EIF2S1: variants seen among roughly 807,000 people sequenced by gnomAD.
The protein encoded by EIF2S1 is eukaryotic translation initiation factor 2 subunit alpha, also known as eukaryotic translation initiation factor 2 subunit 1.
EIF2S1 carries 5 observed loss-of-function variants against 33.5 expected under a neutral mutation model. That is an observed-to-expected ratio of 0.15 (90% CI 0.08 to 0.31). EIF2S1 has a LOEUF of 0.31. EIF2S1 is among the 10% of genes least tolerant of loss of function. EIF2S1 has a pLI of 1.00. For synonymous variants in EIF2S1, 99 were observed against 127.5 expected (o/e 0.78, Z 1.51); for missense variants, 191 against 384.6 (o/e 0.50, Z 4.21).
rs527884008 is a variant in EIF2S1, at chr14:67,384,309, C to G, written c.*869C>G. 7.3e-5 allele frequency: 11 copies of G among 150,818 alleles called. No individual in the cohort carries two copies. The highest frequency in any genetic ancestry group is 2.7e-4 in the African/African-American group (11 of 41,162). 9.3% of individuals were successfully genotyped at this position (150,818 alleles called of 1,614,324 possible). A position where few individuals can be genotyped will look rare whatever the true frequency, so the allele number is the denominator to read the frequency against. ...TTGCTATTAAAATATCCACTAGATG[C>G]CACCTAGAGCTCCAGTTCTTTATAA... On this transcript the variant is annotated 3_prime_UTR_variant, in exon 8 of 8. Coordinates refer to ENST00000256383, the MANE Select transcript of EIF2S1 (RefSeq NM_004094.5).
intron 4 of EIF2S1, 121 bp downstream of exon 4, chr14:67,376,711 GC>G: frequency 9.6e-7 from 1 of 1,044,768 alleles, no homozygotes; most frequent in Non-Finnish European, 1.4e-6. Flanking sequence ...TTTTGTATTG[GC>G]CAGTAAATGG....
intron 2 of EIF2S1, among the ~76,000 whole-genome samples, chr14:67,366,305 C>G (rs1027475784): frequency 9.2e-5 from 14 of 152,222 alleles, no homozygotes; most frequent in Middle Eastern, 3.4e-3. Flanking sequence ...GAACTGGGCT[C>G]AAGCGATTCT....
chr14:67,374,516 A>G lies in EIF2S1; in HGVS notation c.290A>G (p.Lys97Arg), dbSNP rs1244522571. The stretch of plus-strand genomic sequence containing the variant: ...AGAGTTTCTCCAGAGGAAGCAATCA[A>G]ATGTGAAGACAAATTCACAAAATCC... Reference protein sequence around the residue: ...KRRVSPEEAIKCEDKFTKSKT... With the variant: ...KRRVSPEEAIRCEDKFTKSKT... The change falls in exon 3 of 8, where the codon AAA becomes AGA. Residue 97 changes from lysine (K) to arginine (R), a missense_variant. Coordinates refer to ENST00000256383, the MANE Select transcript of EIF2S1 (RefSeq NM_004094.5). 11 of 1,608,420 alleles carry G rather than the reference A, an allele frequency of 6.8e-6. No homozygotes were observed. Among genetic ancestry groups the G allele is most frequent in the African/African-American group, 1.3e-5 (1 of 74,874 alleles).
rs1595651469 is a variant in EIF2S1, at chr14:67,383,218, G to A, written c.823-97G>A. The A allele has an allele frequency of 2.3e-5, 31 of 1,340,044 alleles. No individual in the cohort carries two copies. In the South Asian group the frequency reaches 4.1e-4, roughly 18 times the overall value. 83.0% of individuals were successfully genotyped at this position (1,340,044 alleles called of 1,614,324 possible). The stretch of plus-strand genomic sequence containing the variant: ...CAGATATGACAGAGTTGTTAGAAAA[G>A]TGTTAAAGAGAGAAAACATTAGGCA... On this transcript the variant is annotated intron_variant, in intron 7 of 7. Transcript: ENST00000256383.
chr14:67,385,198 C>T lies in EIF2S1; in HGVS notation c.*1758C>T, dbSNP rs2085913839. 1 of 152,098 alleles carries T rather than the reference C, an allele frequency of 6.6e-6. No homozygotes were observed. Among genetic ancestry groups the T allele is most frequent in the African/African-American group, 2.4e-5 (1 of 41,400 alleles). 9.4% of individuals were successfully genotyped at this position (152,098 alleles called of 1,614,324 possible). A position where few individuals can be genotyped will look rare whatever the true frequency, so the allele number is the denominator to read the frequency against. ...TAAAAGTATTCATACACCTTGCTAA[C>T]CTAAAAGACAGCAGGGACAAGATAC... On this transcript the variant is annotated 3_prime_UTR_variant, in exon 8 of 8. Coordinates refer to ENST00000256383, the MANE Select transcript of EIF2S1 (RefSeq NM_004094.5).
intron 2 of EIF2S1, among the ~76,000 whole-genome samples, chr14:67,366,382 A>G (rs1403807349): frequency 6.6e-6 from 1 of 152,180 alleles, no homozygotes; most frequent in Non-Finnish European, 1.5e-5. Context: ...TTCTTTTTCT[A>G]TTGTATAAAA....
intron 2 of EIF2S1, among the ~76,000 whole-genome samples, chr14:67,366,705 C>T (rs935787570): frequency 2.6e-5 from 4 of 152,100 alleles, no homozygotes; most frequent in Non-Finnish European, 4.4e-5. Context: ...GAATTATGTC[C>T]TCCTAGACAA....
rs527730377 is a variant in EIF2S1 at position 67,360,907 on chromosome 14, C to T, written c.-2+451C>T. 3.9e-5 allele frequency among the ~76,000 whole-genome samples: 6 copies of T among 152,308 alleles called. No individual in the cohort carries two copies. In the South Asian group the frequency reaches 1.2e-3, roughly 32 times the overall value. On this transcript the variant is annotated intron_variant, in intron 1 of 7. Transcript: ENST00000256383. Reference sequence around the variant, plus strand: ...CCCCTGCGTCTCAGTGGAAACCAAACTGGCCTCTTACCTGAGAAACCTGTG... The same window carrying T: ...CCCCTGCGTCTCAGTGGAAACCAAATTGGCCTCTTACCTGAGAAACCTGTG...
At position 67,385,431 on chromosome 14, in the gene EIF2S1, C is replaced by A. The variant is rs1425964540; in HGVS notation, c.*1991C>A. ...CTCGAGCCTGGGTGACAGGGCAAGA[C>A]CCTGTCTCAAAAAAAAAAAAAAAAA... On this transcript the variant is annotated 3_prime_UTR_variant, in exon 8 of 8. Transcript: ENST00000256383. The A allele has an allele frequency of 7.4e-6, 1 of 135,214 alleles. No individual in the cohort carries two copies. The highest frequency in any genetic ancestry group is 3.3e-5 in the African/African-American group (1 of 30,352). 8.4% of individuals were successfully genotyped at this position (135,214 alleles called of 1,614,324 possible).
At position 67,383,866 on chromosome 14, in the gene EIF2S1, G is replaced by T; in HGVS notation, c.*426G>T. The T allele has an allele frequency of 8.8e-6, 2 of 227,384 alleles. No homozygotes were observed. The highest frequency in any genetic ancestry group is 2.3e-5 in the African/African-American group (1 of 42,960). 14.1% of individuals were successfully genotyped at this position (227,384 alleles called of 1,614,324 possible). A position where few individuals can be genotyped will look rare whatever the true frequency, so the allele number is the denominator to read the frequency against. On this transcript the variant is annotated 3_prime_UTR_variant, in exon 8 of 8. Coordinates refer to ENST00000256383, the MANE Select transcript of EIF2S1 (RefSeq NM_004094.5). ...TAAATTTCTGGGATATTTAACTATA[G>T]GCTTCTTCCTTCTTGTCACCAGTTA...
At chr14:67,367,721 A>G (rs2085789107) in intron 2 of EIF2S1, among the ~76,000 whole-genome samples, 1 of 151,200 alleles carries the variant, frequency 6.6e-6, no homozygotes, top group Non-Finnish European at 1.5e-5. Context: ...CTGTAGTCCC[A>G]GCTTCTCGGG....
chr14:67,367,345 C>T (rs1471991055), intron 2 of EIF2S1, among the ~76,000 whole-genome samples: 4 of 152,210 alleles, frequency 2.6e-5, no homozygotes, highest in Admixed American at 6.5e-5. Flanking sequence ...ATTCTCCTGT[C>T]TCAGCCTCCA....
At chr14:67,381,567 C>G in intron 5 of EIF2S1, 26 bp from the exon 6 acceptor site, 2 of 1,585,576 alleles carry the variant, frequency 1.3e-6, no homozygotes, top group Non-Finnish European at 1.7e-6. Flanking sequence ...CATTTTTTAT[C>G]AACTTTTGAA....
At chr14:67,382,810 G>A (rs761482038) in intron 7 of EIF2S1, 12 of 542,370 alleles carry the variant, frequency 2.2e-5, no homozygotes, top group Non-Finnish European at 3.9e-5. Context: ...TTTGCATGTG[G>A]CATGTCTAAA....
chr14:67,380,794 G>A (rs10132093), intron 5 of EIF2S1, 29 bp downstream of exon 5: 230,286 of 1,312,228 alleles, frequency 0.18, 33,706 homozygotes, highest in African/African-American at 0.65. Context: ...GATTTTTACA[G>A]TATTTTGCAT....
intron 5 of EIF2S1, 108 bp from the exon 6 acceptor site, chr14:67,381,485 T>G: frequency 1.3e-6 from 1 of 769,312 alleles, no homozygotes; most frequent in Non-Finnish European, 2.2e-6. Flanking sequence ...GAGGTTGGAT[T>G]CAGTATAAGT....
chr14:67,366,356 G>A (rs2141129639), intron 2 of EIF2S1, among the ~76,000 whole-genome samples: 1 of 152,298 alleles, frequency 6.6e-6, no homozygotes, highest in Non-Finnish European at 1.5e-5. Context: ...ACAGGTGTGA[G>A]CCACTGTGCT....
At chr14:67,382,895 A>ACGTG (rs547987921) in intron 7 of EIF2S1, among the ~76,000 whole-genome samples, 5 of 146,800 alleles carry the variant, frequency 3.4e-5, no homozygotes, top group Non-Finnish European at 4.4e-5. Flanking sequence ...AAGTGTGTGT[A>ACGTG]CGTGCGTGCG....
intron 2 of EIF2S1, among the ~76,000 whole-genome samples, chr14:67,365,951 T>C (rs992525941): frequency 1.3e-5 from 2 of 152,212 alleles, no homozygotes; most frequent in African/African-American, 4.8e-5. Context: ...TGGATTGTTT[T>C]AAATGTTTTG....
Sources: gnomAD v4.1 joint callset for allele counts (sites outside exome capture counted in the v4.1 genomes callset) on GRCh38, gnomAD v4.1.1 for gene constraint, MANE v1.5 for transcripts, NCBI Gene and HGNC (gene_info 2026-07-23, HGNC 2026-07-21) for gene names.